RYK: variants seen among roughly 807,000 people sequenced by gnomAD.
The protein encoded by RYK is receptor like tyrosine kinase, also known as inactive tyrosine-protein kinase RYK.
Under a neutral mutation model 70.2 loss-of-function variants are expected in RYK, and 21 were observed. The ratio of observed to expected loss-of-function variants is 0.30; its 90% CI spans 0.21 to 0.43. The LOEUF (loss-of-function observed/expected upper bound fraction) is 0.43. Ranked by LOEUF, RYK falls within the 20% of genes least tolerant of loss-of-function variation. The pLI is 1.00. For synonymous variants in RYK, 267 were observed against 278.0 expected, an observed-to-expected ratio of 0.96 and a Z score of 0.39; for missense variants, 604 against 753.3, an observed-to-expected ratio of 0.80 and a Z score of 2.32.
At chr3:134,249,917 GTTTTTTT>G (rs71624038) in intron 1 of RYK, among the ~76,000 whole-genome samples, 11 of 93,366 alleles carry the variant, frequency 1.2e-4, no homozygotes, top group African/African-American at 3.2e-4. Context: ...TTTCTCTCTC[GTTTTTTT>G]TTTTTTTTTT....
At chr3:134,171,856 G>T (rs73215365) in intron 13 of RYK, among the ~76,000 whole-genome samples, 4,928 of 150,946 alleles carry the variant, frequency 0.033, 125 homozygotes, top group Non-Finnish European at 0.057. Flanking sequence ...AACAGAAGTA[G>T]CTAAGGAAAA....
At chr3:134,199,510 A>G (rs1234945210) in intron 6 of RYK, among the ~76,000 whole-genome samples, 1 of 152,214 alleles carries the variant, frequency 6.6e-6, no homozygotes, top group Non-Finnish European at 1.5e-5. Context: ...AAGTTATTTA[A>G]TCTCTTCAAG....
At chr3:134,185,931 TTTAG>T (rs1435964495) in intron 9 of RYK, among the ~76,000 whole-genome samples, 1 of 152,192 alleles carries the variant, frequency 6.6e-6, no homozygotes, top group Non-Finnish European at 1.5e-5. Flanking sequence ...ACTTTATCCA[TTTAG>T]TAAGAAAAAC....
In RYK at chr3:134,198,727, G is replaced by GA. The variant is rs766032053; in HGVS notation, c.789-3546dup. Reference sequence around the variant, plus strand: ...GGTCATTTCTGGCACAAACTATTGTGAAAAAAGCAAAGAATGATTGGTAAA... The same window carrying GA: ...GGTCATTTCTGGCACAAACTATTGTGAAAAAAAGCAAAGAATGATTGGTAAA... On this transcript the variant is annotated intron_variant, in intron 6 of 14. Transcript: ENST00000623711. Among the ~76,000 whole-genome samples, 3 of 152,212 alleles carry GA rather than the reference G, an allele frequency of 2.0e-5. No homozygotes were observed. In the South Asian group the frequency reaches 6.2e-4, roughly 32 times the overall value.
chr3:134,191,515 G>A (rs950598548), intron 8 of RYK, among the ~76,000 whole-genome samples: 14 of 152,276 alleles, frequency 9.2e-5, no homozygotes, highest in South Asian at 2.1e-4. Flanking sequence ...CAAGTTATCC[G>A]TCAGAGAGAA....
At chr3:134,158,871 CGA>C (rs1481283978) in intron 14 of RYK, among the ~76,000 whole-genome samples, 1 of 152,148 alleles carries the variant, frequency 6.6e-6, no homozygotes, top group Non-Finnish European at 1.5e-5. Flanking sequence ...AAAATGACAA[CGA>C]GAGAGGTTTT....
At chr3:134,249,587 T>G (rs1384726291) in intron 1 of RYK, among the ~76,000 whole-genome samples, 4 of 152,090 alleles carry the variant, frequency 2.6e-5, no homozygotes, top group Non-Finnish European at 5.9e-5. Flanking sequence ...AGTCCTAACA[T>G]AAGACCCCAG....
intron 2 of RYK, 55 bp downstream of exon 2, chr3:134,222,363 T>C: frequency 3.7e-6 from 6 of 1,604,304 alleles, no homozygotes; most frequent in Non-Finnish European, 5.1e-6. Flanking sequence ...ACACAGCCCT[T>C]GCCTCTGTGG....
chr3:134,176,651 T>C (rs1281805641), intron 11 of RYK, among the ~76,000 whole-genome samples: 1 of 148,412 alleles, frequency 6.7e-6, no homozygotes, highest in East Asian at 2.0e-4. Context: ...GAGGCTGAGG[T>C]GGGAGGATTG....
At chr3:134,207,668 A>C (rs1172351034) in intron 4 of RYK, 143 bp from the exon 5 acceptor site, 1 of 580,228 alleles carries the variant, frequency 1.7e-6, no homozygotes, top group African/African-American at 1.9e-5. Context: ...TATTCTGATA[A>C]TCACCACTAC....
chr3:134,207,974 T>C (rs1274713703), intron 4 of RYK, among the ~76,000 whole-genome samples: 1 of 152,144 alleles, frequency 6.6e-6, no homozygotes, highest in Non-Finnish European at 1.5e-5. Flanking sequence ...TGAAATATAG[T>C]AGGCTGGAAA....
chr3:134,216,531 G>A (rs2014556078), intron 2 of RYK, among the ~76,000 whole-genome samples: 1 of 152,074 alleles, frequency 6.6e-6, no homozygotes, highest in South Asian at 2.1e-4. Context: ...GGTGGCTCAT[G>A]CCTGTAATGC....
At chr3:134,191,145 A>G (rs560105579) in intron 8 of RYK, among the ~76,000 whole-genome samples, 1 of 152,328 alleles carries the variant, frequency 6.6e-6, no homozygotes, top group South Asian at 2.1e-4. Context: ...TCTCTATTTA[A>G]CAACATGAAG....
chr3:134,220,753 T>G (rs1346748201), intron 2 of RYK, among the ~76,000 whole-genome samples: 1 of 152,148 alleles, frequency 6.6e-6, no homozygotes, highest in Non-Finnish European at 1.5e-5. Context: ...AAGCAAAGAT[T>G]GAAAAATTTT....
In RYK at chr3:134,201,520, C is replaced by CGA. The variant is rs559052592; in HGVS notation, c.788+1208_788+1209dup. Among the ~76,000 whole-genome samples the CGA allele has an allele frequency of 3.3e-3, 504 of 151,314 alleles. 1 individual carries two copies. Among genetic ancestry groups the CGA allele is most frequent in the African/African-American group, 0.011 (463 of 41,298 alleles). Reference sequence around the variant, plus strand: ...AGAAGAAAAAGTGCAATAACTGCTACGAGAGAGAGAGAGACAGAGACAGAG... The same window carrying CGA: ...AGAAGAAAAAGTGCAATAACTGCTACGAGAGAGAGAGAGAGACAGAGACAGAG... On this transcript the variant is annotated intron_variant, in intron 6 of 14. Transcript: ENST00000623711.
intron 9 of RYK, among the ~76,000 whole-genome samples, chr3:134,188,005 T>C (rs1332530174): frequency 6.6e-6 from 1 of 152,040 alleles, no homozygotes; most frequent in East Asian, 1.9e-4. Context: ...TGATAGGGAA[T>C]CTTTAATTAA....
chr3:134,165,746 G>A (rs919933428), intron 13 of RYK, among the ~76,000 whole-genome samples: 1 of 152,178 alleles, frequency 6.6e-6, no homozygotes, highest in Non-Finnish European at 1.5e-5. Flanking sequence ...TGTTTGTTCG[G>A]TTAGGTTTTC....
chr3:134,183,643 T>C lies in RYK; in HGVS notation c.1103-572A>G, dbSNP rs141178241. 9.2e-5 allele frequency among the ~76,000 whole-genome samples: 14 copies of C among 152,312 alleles called. No individual in the cohort carries two copies. In the East Asian group the frequency reaches 2.7e-3, roughly 29 times the overall value. On this transcript the variant is annotated intron_variant, in intron 9 of 14. Coordinates refer to ENST00000623711, the MANE Select transcript of RYK (RefSeq NM_002958.4). ...GCTTGGATAGATGGAGAAAGCAACA[T>C]GTAACAAAATTTTGAAATGCAGATA...
rs953337926 is a variant in RYK at position 134,176,112 on chromosome 3, C to T, written c.1306-73G>A. On this transcript the variant is annotated intron_variant, in intron 11 of 14. Transcript: ENST00000623711. ...ATGGCACTTTCTTACTTTTTTTATTCCACAATCCTACTCCATCCAAAAATA... is the reference window on the plus strand; with the variant it reads ...ATGGCACTTTCTTACTTTTTTTATTTCACAATCCTACTCCATCCAAAAATA... The T allele has an allele frequency of 1.3e-5, 12 of 897,282 alleles. No individual in the cohort carries two copies. In the Admixed American group the frequency reaches 2.3e-4, roughly 18 times the overall value. 55.6% of individuals were successfully genotyped at this position (897,282 alleles called of 1,614,324 possible). A position where few individuals can be genotyped will look rare whatever the true frequency, so the allele number is the denominator to read the frequency against.
Sources: gnomAD v4.1 joint callset for allele counts (sites outside exome capture counted in the v4.1 genomes callset) on GRCh38, gnomAD v4.1.1 for gene constraint, MANE v1.5 for transcripts, NCBI Gene and HGNC (gene_info 2026-07-23, HGNC 2026-07-21) for gene names.